EPHA4: variants seen among roughly 807,000 people sequenced by gnomAD.
The protein encoded by EPHA4 is EPH receptor A4.
EPHA4 carries 19 observed loss-of-function variants against 108.3 expected under a neutral mutation model. That is an observed-to-expected ratio of 0.18 (90% CI 0.12 to 0.26). EPHA4 has a LOEUF of 0.26. Ranked by LOEUF, EPHA4 falls within the 10% of genes least tolerant of loss-of-function variation. The pLI, the probability that EPHA4 is intolerant of heterozygous loss-of-function variation, is 1.00. For missense variants in EPHA4, 917 were observed against 1,254.0 expected (o/e 0.73, Z 4.06); for synonymous variants, 449 against 455.5 (o/e 0.99, Z 0.18).
At chr2:221,490,422 C>A (rs1273310817) in intron 4 of EPHA4, among the ~76,000 whole-genome samples, 2 of 152,106 alleles carry the variant, frequency 1.3e-5, no homozygotes, top group Non-Finnish European at 2.9e-5. Context: ...TTTTAAAATT[C>A]AATGCCTGGG....
chr2:221,499,646 G>T lies in EPHA4; in HGVS notation c.979+1371C>A, dbSNP rs189193015. Among the ~76,000 whole-genome samples the T allele has an allele frequency of 3.4e-3, 474 of 141,138 alleles. 4 individuals are homozygous for T. The highest frequency in any genetic ancestry group is 0.012 in the African/African-American group (459 of 38,224). 92.6% of individuals were successfully genotyped at this position (141,138 alleles called of 152,430 possible). ...TTTATTTGCAGGGTTGTTAGCTCCA[G>T]ATTGGCCAAAATACCATTTATAGTA... On this transcript the variant is annotated intron_variant, in intron 4 of 17. Coordinates refer to ENST00000281821, the MANE Select transcript of EPHA4 (RefSeq NM_004438.5).
rs1574645429 is a variant in EPHA4 at position 221,539,601 on chromosome 2, G to GAA, written c.823+24129_823+24130insTT. ...ATAGTGAAGGAGCTTTGAAGAAAGA[G>GAA]CTTGGAGACCTATCCTAAAATACAG... On this transcript the variant is annotated intron_variant, in intron 3 of 17. Coordinates refer to ENST00000281821, the MANE Select transcript of EPHA4 (RefSeq NM_004438.5). 2.6e-5 allele frequency among the ~76,000 whole-genome samples: 4 copies of GAA among 152,310 alleles called. No individual in the cohort carries two copies. The East Asian group carries it at 7.7e-4, about 29-fold the overall frequency.
intron 8 of EPHA4, among the ~76,000 whole-genome samples, chr2:221,450,610 G>A (rs1050364187): frequency 8.3e-4 from 126 of 152,142 alleles, no homozygotes; most frequent in African/African-American, 2.9e-3. Flanking sequence ...TGTGACCTTC[G>A]TTTATTTGTT....
intron 4 of EPHA4, among the ~76,000 whole-genome samples, chr2:221,489,226 G>A (rs1392957614): frequency 6.6e-6 from 1 of 152,200 alleles, no homozygotes; most frequent in Non-Finnish European, 1.5e-5. Context: ...AGTAAAAGAT[G>A]AAAACCTGCT....
intron 1 of EPHA4, among the ~76,000 whole-genome samples, chr2:221,569,752 G>A (rs962239740): frequency 6.6e-6 from 1 of 152,038 alleles, no homozygotes; most frequent in Non-Finnish European, 1.5e-5. Flanking sequence ...GGCTGGGGGA[G>A]GGGTGGGAAT....
At position 221,480,695 on chromosome 2, in the gene EPHA4, C is replaced by T. The variant is rs376688542; in HGVS notation, c.1318+1657G>A. Among the ~76,000 whole-genome samples the T allele has an allele frequency of 1.4e-4, 22 of 152,256 alleles. No individual in the cohort carries two copies. The East Asian group carries it at 4.1e-3, about 28-fold the overall frequency. ...AAGACAAAGGCCTAGCTGGATGACC[C>T]GTTCACATTAGATATTTTAAAAGAC... On this transcript the variant is annotated intron_variant, in intron 5 of 17. Coordinates refer to ENST00000281821, the MANE Select transcript of EPHA4 (RefSeq NM_004438.5).
chr2:221,523,550 T>C (rs1333859741), intron 3 of EPHA4, among the ~76,000 whole-genome samples: 1 of 151,714 alleles, frequency 6.6e-6, no homozygotes, highest in Non-Finnish European at 1.5e-5. Context: ...GCCTCCCAAA[T>C]TGTTGAGATT....
rs114789265 is a variant in EPHA4 at position 221,423,013 on chromosome 2, C to A, written c.*819+2196G>T. ...GTGAAGAAGCTTCACTGTGTGACCCCCCTACCACTGAACTTCATTTCACCC... is the reference window on the plus strand; with the variant it reads ...GTGAAGAAGCTTCACTGTGTGACCCACCTACCACTGAACTTCATTTCACCC... On this transcript the variant is annotated intron_variant, in intron 17 of 17. Transcript: ENST00000281821. Among the ~76,000 whole-genome samples the A allele has an allele frequency of 9.8e-3, 1,489 of 152,266 alleles. 30 individuals are homozygous for A. Among genetic ancestry groups the A allele is most frequent in the African/African-American group, 0.034 (1,417 of 41,526 alleles).
At chr2:221,454,983 G>A (rs1441967383) in intron 8 of EPHA4, among the ~76,000 whole-genome samples, 4 of 152,160 alleles carry the variant, frequency 2.6e-5, no homozygotes, top group Non-Finnish European at 5.9e-5. Flanking sequence ...TGAGTGTGAA[G>A]TACCCATTTC....
chr2:221,435,015 A>T (rs1690187229), intron 13 of EPHA4, among the ~76,000 whole-genome samples: 1 of 152,112 alleles, frequency 6.6e-6, no homozygotes, highest in Non-Finnish European at 1.5e-5. Context: ...GGTATAAGGT[A>T]TTTTCAGTCA....
intron 8 of EPHA4, 33 bp downstream of exon 8, chr2:221,455,514 G>A (rs374317019): frequency 4.7e-6 from 7 of 1,504,390 alleles, no homozygotes; most frequent in South Asian, 2.3e-5. Context: ...TGGGAAGGTC[G>A]GGGGCTGCAC....
In EPHA4 at chr2:221,563,888, A is replaced by G; in HGVS notation, c.666T>C (p.Asp222=). 1.2e-6 allele frequency: 2 copies of G among 1,614,218 alleles called. No individual in the cohort carries two copies. The highest frequency in any genetic ancestry group is 1.1e-5 in the South Asian group (1 of 91,088). The change falls in exon 3 of 18, where the codon GAT becomes GAC. Residue 222 remains aspartate (D), a synonymous_variant. Coordinates refer to ENST00000281821, the MANE Select transcript of EPHA4 (RefSeq NM_004438.5). ...AQFPDTITGA[D]TSSLVEVRGS... Reference sequence around the variant, plus strand: ...CTCGAACTTCCACCAGGGAAGACGTATCAGCCCCTGTGATGGTGTCAGGAA... The same window carrying G: ...CTCGAACTTCCACCAGGGAAGACGTGTCAGCCCCTGTGATGGTGTCAGGAA...
chr2:221,502,036 T>C (rs1196162701), intron 3 of EPHA4, among the ~76,000 whole-genome samples: 1 of 152,008 alleles, frequency 6.6e-6, no homozygotes, highest in African/African-American at 2.4e-5. Flanking sequence ...ACACGGGCCA[T>C]ATAGTTTTTT....
upstream of EPHA4, chr2:221,573,184 A>T (rs1257033818): frequency 6.6e-6 from 1 of 152,384 alleles, no homozygotes; most frequent in Admixed American, 6.5e-5. The surrounding 1 kb of genome is among the most constrained non-coding windows in gnomAD (Gnocchi z 4.5). Context: ...GGTAGAAGTG[A>T]AAGGCTTAAG....
intron 3 of EPHA4, among the ~76,000 whole-genome samples, chr2:221,529,938 G>A (rs1171366072): frequency 6.6e-6 from 1 of 152,068 alleles, no homozygotes; most frequent in Non-Finnish European, 1.5e-5. Flanking sequence ...GAGGATGTCC[G>A]ACCTACCACA....
At chr2:221,428,591 C>G (rs761935472) in intron 15 of EPHA4, among the ~76,000 whole-genome samples, 3 of 152,162 alleles carry the variant, frequency 2.0e-5, no homozygotes, top group Non-Finnish European at 4.4e-5. Context: ...TACATGGGCT[C>G]TGGTGCTGAA....
At chr2:221,426,740 G>C (rs1190513798) in intron 15 of EPHA4, 121 bp from the exon 16 acceptor site, 16 of 866,574 alleles carry the variant, frequency 1.8e-5, no homozygotes, top group Non-Finnish European at 2.8e-5. Flanking sequence ...GTTTTAAATG[G>C]AACAATTGTT....
chr2:221,444,744 C>CTTTTTTTT (rs71266317), intron 9 of EPHA4, among the ~76,000 whole-genome samples: 4 of 74,980 alleles, frequency 5.3e-5, no homozygotes, highest in Non-Finnish European at 4.8e-5. Context: ...TTTTTTCTAT[C>CTTTTTTTT]TTTTTTTTTT....
intron 16 of EPHA4, 103 bp from the exon 17 acceptor site, chr2:221,426,245 T>C: frequency 8.8e-7 from 1 of 1,137,592 alleles, no homozygotes; most frequent in Non-Finnish European, 1.3e-6. Context: ...CCACAATTAA[T>C]ACAGCACAAC....
Sources: gnomAD v4.1 joint callset for allele counts (sites outside exome capture counted in the v4.1 genomes callset) on GRCh38, gnomAD v4.1.1 for gene constraint, Gnocchi (gnomAD v3.1) non-coding constraint, MANE v1.5 for transcripts, NCBI Gene and HGNC (gene_info 2026-07-23, HGNC 2026-07-21) for gene names.